The following LCP2 variants were observed in gnomAD, a reference collection of about 807,000 sequenced individuals.
The protein encoded by LCP2 is 76 kDa tyrosine phosphoprotein.
In LCP2, 29 loss-of-function variants were observed where a neutral mutation model predicts 74.5. That is an observed-to-expected ratio of 0.39 (90% confidence interval 0.29 to 0.53). The LOEUF (loss-of-function observed/expected upper bound fraction) is 0.53, where lower values mean the gene tolerates loss of function less well. Among genes scored for constraint, LCP2 ranks in the 20% least tolerant of loss-of-function variants. The probability of loss-of-function intolerance (pLI) is 0.72; values close to 1 mark genes in which losing one functional copy is unlikely to be tolerated. For missense variants in LCP2, 604 were observed against 634.6 expected, an observed-to-expected ratio of 0.95 and a Z score of 0.52; for synonymous variants, 228 against 229.5, an observed-to-expected ratio of 0.99 and a Z score of 0.06.
At chr5:170,281,923 A>G (rs925835676) in intron 3 of LCP2, among the ~76,000 whole-genome samples, 2 of 152,120 alleles carry the variant, frequency 1.3e-5, no homozygotes, top group Non-Finnish European at 2.9e-5. Context: ...ATAACATCCC[A>G]TCCTTTAATG....
At chr5:170,263,987 A>G (rs1030500636) in intron 10 of LCP2, among the ~76,000 whole-genome samples, 5 of 152,200 alleles carry the variant, frequency 3.3e-5, no homozygotes, top group African/African-American at 1.2e-4. Context: ...AGCACTCAGG[A>G]CACATAACAT....
At chr5:170,276,905 G>A (rs994108222) in intron 3 of LCP2, among the ~76,000 whole-genome samples, 7 of 151,546 alleles carry the variant, frequency 4.6e-5, no homozygotes, top group African/African-American at 9.7e-5. Flanking sequence ...GTGAAACCCC[G>A]TCTCTACTAA....
rs750149893 is a variant in LCP2 at position 170,250,740 on chromosome 5, C to T, written c.1469G>A (p.Arg490Gln). 6.2e-6 allele frequency: 10 copies of T among 1,612,938 alleles called. No individual in the cohort carries two copies. The highest frequency in any genetic ancestry group is 3.3e-5 in the Admixed American group (2 of 59,996). The change falls in exon 20 of 21, where the codon CGA (arginine) becomes CAA (glutamine). Residue 490 changes from arginine to glutamine, a missense_variant. Transcript: ENST00000046794. Reference protein sequence around the residue: ...SQVYLLGTGLRGKEDFLSVSD... With the variant: ...SQVYLLGTGLQGKEDFLSVSD... ...ATTTGAAATCCTTACCTCTTTCCCT[C>T]GGAGTCCAGTTCCCAACAAGTAAAC...
At chr5:170,252,914 A>T (rs1285459872) in intron 18 of LCP2, among the ~76,000 whole-genome samples, 3 of 152,236 alleles carry the variant, frequency 2.0e-5, no homozygotes, top group Non-Finnish European at 4.4e-5. Flanking sequence ...TGCAAAACAC[A>T]TGTTTGCCAT....
At chr5:170,261,022 C>A in intron 14 of LCP2, 85 bp downstream of exon 14, 1 of 1,027,678 alleles carries the variant, frequency 9.7e-7, no homozygotes, top group Non-Finnish European at 1.5e-6. Context: ...GGGCCAAGGC[C>A]AAGGTGGATG....
chr5:170,284,464 T>C (rs1762151233), intron 3 of LCP2, among the ~76,000 whole-genome samples: 1 of 152,172 alleles, frequency 6.6e-6, no homozygotes, highest in African/African-American at 2.4e-5. Context: ...GTCTTTTTTT[T>C]TTTTTCTGAC....
intron 17 of LCP2, among the ~76,000 whole-genome samples, chr5:170,255,057 T>C (rs1024727464): frequency 3.3e-5 from 5 of 152,196 alleles, no homozygotes; most frequent in African/African-American, 1.2e-4. Flanking sequence ...GGAACTTGCT[T>C]TGGAAAATAA....
chr5:170,291,487 C>T (rs1762296348), intron 2 of LCP2, among the ~76,000 whole-genome samples: 1 of 152,208 alleles, frequency 6.6e-6, no homozygotes. Context: ...TTTGCACTTC[C>T]TCCTCTTCAT....
rs1761556059 is a variant in LCP2 at position 170,256,585 on chromosome 5, C to G, written c.1101-10G>C. 1 of 1,607,140 alleles carries G rather than the reference C, an allele frequency of 6.2e-7. No individual in the cohort carries two copies. The highest frequency in any genetic ancestry group is 1.7e-5 in the Admixed American group (1 of 59,972). On this transcript the variant is annotated splice_polypyrimidine_tract_variant and intron_variant, in intron 16 of 20. Coordinates refer to ENST00000046794, the MANE Select transcript of LCP2 (RefSeq NM_005565.5). This position sits in a 1 kb window ranked among gnomAD's most constrained non-coding sequence, Gnocchi z 4.5. ...TGGAAAACTGCTGTTACTGAGGAGA[C>G]AGAAAAAGAACAAAATTTATTTGGA...
intron 10 of LCP2, among the ~76,000 whole-genome samples, chr5:170,264,495 T>A (rs535690289): frequency 1.3e-5 from 2 of 152,352 alleles, no homozygotes; most frequent in African/African-American, 4.8e-5. Flanking sequence ...AGGCCCATGA[T>A]AAGAATATTG....
At chr5:170,260,160 T>C (rs1282957178) in intron 14 of LCP2, among the ~76,000 whole-genome samples, 4 of 152,194 alleles carry the variant, frequency 2.6e-5, no homozygotes, top group Admixed American at 2.6e-4. Context: ...TCTCACCTCC[T>C]CTAGGAAGTC....
In LCP2 at chr5:170,247,721, CAG is replaced by C. The variant is rs988186004; in HGVS notation, c.*974_*975del. On this transcript the variant is annotated 3_prime_UTR_variant, in exon 21 of 21. Transcript: ENST00000046794. ...AGAAGGGACTTTATGGCAGAGCTGT[CAG>C]GGGGATAACAAGAGACAGAAGAGCC... 3 of 152,110 alleles carry C rather than the reference CAG, an allele frequency of 2.0e-5. No homozygotes were observed. Among genetic ancestry groups the C allele is most frequent in the Admixed American group, 6.5e-5 (1 of 15,284 alleles). The allele number at this position is 152,110 out of a possible 1,614,324, so 9.4% of individuals were successfully genotyped here.
At position 170,256,648 on chromosome 5, in the gene LCP2, G is replaced by A; in HGVS notation, c.1101-73C>T. 5.7e-6 allele frequency: 6 copies of A among 1,061,256 alleles called. No homozygotes were observed. Among genetic ancestry groups the A allele is most frequent in the South Asian group, 3.8e-5 (3 of 79,418 alleles). The allele number at this position is 1,061,256 out of a possible 1,614,324, so 65.7% of individuals were successfully genotyped here. A position where few individuals can be genotyped will look rare whatever the true frequency, so the allele number is the denominator to read the frequency against. On this transcript the variant is annotated intron_variant, in intron 16 of 20. Transcript: ENST00000046794. This position sits in a 1 kb window ranked among gnomAD's most constrained non-coding sequence, Gnocchi z 4.5. ...GGCCAGACAGGGGAGCTGGGTTAGG[G>A]AAGCCAGGCTGCAAATGCTTCTTGA...
chr5:170,293,547 A>G (rs1162808389), intron 1 of LCP2, among the ~76,000 whole-genome samples, 175 bp from the exon 2 acceptor site: 2 of 151,922 alleles, frequency 1.3e-5, no homozygotes, highest in Admixed American at 1.3e-4. Flanking sequence ...CGCTTTCACT[A>G]CCCCCTTGGG....
chr5:170,266,826 T>C lies in LCP2; in HGVS notation c.754A>G (p.Arg252Gly), dbSNP rs768394127. 2.5e-6 allele frequency: 4 copies of C among 1,613,672 alleles called. No individual in the cohort carries two copies. In the South Asian group the frequency reaches 4.4e-5, roughly 18 times the overall value. The change falls in exon 10 of 21, where the codon AGA becomes GGA. Residue 252 changes from arginine to glycine, a missense_variant. Physicochemically the swap from Arg to Gly is moderately radical, Grantham distance 125 (BLOSUM62 -2). Transcript: ENST00000046794. ...TACCCACCTAGTGTGAAGGGTTCTC[T>C]ATCAAACGGAGCTAATGAACGATCT... ...PLDRSLAPFD[R>G]EPFTLGKKPP... is the part of the protein sequence containing the mutation.
intron 3 of LCP2, 153 bp downstream of exon 3, chr5:170,287,817 C>T (rs1052712419): frequency 2.8e-5 from 20 of 709,522 alleles, no homozygotes; most frequent in Non-Finnish European, 4.7e-5. Context: ...CATGTAACTT[C>T]TGTTCCCCAC....
intron 3 of LCP2, among the ~76,000 whole-genome samples, chr5:170,279,373 A>G (rs57240240): frequency 0.032 from 4,820 of 152,316 alleles, 257 homozygotes; most frequent in African/African-American, 0.11. Context: ...GCCTGCAGGC[A>G]CAGACAGTCT....
intron 20 of LCP2, among the ~76,000 whole-genome samples, chr5:170,249,255 G>T (rs561912060): frequency 6.6e-6 from 1 of 151,746 alleles, no homozygotes; most frequent in Non-Finnish European, 1.5e-5. Flanking sequence ...AACCTGGGAG[G>T]CAGAGGTTGC....
chr5:170,290,034 G>A (rs1380039652), intron 2 of LCP2, among the ~76,000 whole-genome samples: 2 of 152,140 alleles, frequency 1.3e-5, no homozygotes, highest in East Asian at 3.9e-4. Context: ...GAAAGAGGAA[G>A]ACATTCAGAA....
Sources: gnomAD v4.1 joint callset for allele counts (sites outside exome capture counted in the v4.1 genomes callset) on GRCh38, gnomAD v4.1.1 for gene constraint, Gnocchi (gnomAD v3.1) non-coding constraint, MANE v1.5 for transcripts, NCBI Gene and HGNC (gene_info 2026-07-23, HGNC 2026-07-21) for gene names.